DUSP13A: variants seen among roughly 807,000 people sequenced by gnomAD.
DUSP13A encodes dual specificity phosphatase 13A, also known as dual specificity protein phosphatase 13A.
chr10:75,107,078 A>G, the DUSP13A span, among the ~76,000 whole-genome samples: 1 of 152,148 alleles, frequency 6.6e-6, no homozygotes, highest in African/African-American at 2.4e-5. Context: ...GCTCATGCCT[A>G]TAATCCCAGC....
chr10:75,106,111 T>TA, the DUSP13A span, among the ~76,000 whole-genome samples: 5 of 150,614 alleles, frequency 3.3e-5, no homozygotes, highest in Non-Finnish European at 7.4e-5. Context: ...CTTTTTTTTT[T>TA]TTTTTTTTTT....
the DUSP13A span, chr10:75,108,414 G>T: frequency 3.3e-6 from 3 of 914,638 alleles, no homozygotes; most frequent in Non-Finnish European, 4.7e-6. Flanking sequence ...TGTGTGTGTC[G>T]GGGGATCTTT....
the DUSP13A span, chr10:75,109,002 C>T: frequency 6.3e-7 from 1 of 1,595,110 alleles, no homozygotes; most frequent in East Asian, 2.3e-5. Context: ...GGCCAGCTAC[C>T]ACTCACGCAT....
At chr10:75,108,602 G>A in the DUSP13A span, among the ~76,000 whole-genome samples, 5 of 152,104 alleles carry the variant, frequency 3.3e-5, no homozygotes, top group Admixed American at 1.3e-4. Flanking sequence ...ATGTTTAGAG[G>A]CAACACCTTC....
chr10:75,107,408 T>A, the DUSP13A span, among the ~76,000 whole-genome samples: 1 of 152,058 alleles, frequency 6.6e-6, no homozygotes, highest in Non-Finnish European at 1.5e-5. Context: ...CAAATGGTGC[T>A]TTCCCAAAGT....
chr10:75,106,848 T>C, the DUSP13A span, among the ~76,000 whole-genome samples: 11 of 152,324 alleles, frequency 7.2e-5, no homozygotes, highest in African/African-American at 2.6e-4. Flanking sequence ...TAAAAAGTCA[T>C]GTGAGCTGTA....
the DUSP13A span, chr10:75,108,207 G>T: frequency 5.6e-6 from 9 of 1,597,584 alleles, no homozygotes; most frequent in Non-Finnish European, 7.7e-6. Context: ...GTTTGCCGTG[G>T]CCCTGGGGAG....
the DUSP13A span, among the ~76,000 whole-genome samples, chr10:75,106,169 T>C: frequency 6.7e-6 from 1 of 150,170 alleles, no homozygotes; most frequent in South Asian, 2.1e-4. Flanking sequence ...CTTGAACTCC[T>C]GAACTTAAGT....
At chr10:75,108,806 C>A in the DUSP13A span, among the ~76,000 whole-genome samples, 1 of 152,158 alleles carries the variant, frequency 6.6e-6, no homozygotes, top group Non-Finnish European at 1.5e-5. Flanking sequence ...TTCAGGCAGG[C>A]GAAGTCCCTG....
the DUSP13A span, among the ~76,000 whole-genome samples, chr10:75,107,145 C>T: frequency 6.6e-6 from 1 of 152,116 alleles, no homozygotes; most frequent in Non-Finnish European, 1.5e-5. Flanking sequence ...AGACCAGCCT[C>T]GCCAACATGG....
At chr10:75,106,105 T>C in the DUSP13A span, among the ~76,000 whole-genome samples, 30 of 142,586 alleles carry the variant, frequency 2.1e-4, no homozygotes, top group South Asian at 6.6e-4. Flanking sequence ...TCTTTTCTTT[T>C]TTTTTTTTTT....
chr10:75,108,042 TAGGC>T, the DUSP13A span: 1 of 1,613,676 alleles, frequency 6.2e-7, no homozygotes. Flanking sequence ...AGAGGAGAAG[TAGGC>T]ACTGATGTCA....
the DUSP13A span, among the ~76,000 whole-genome samples, chr10:75,108,797 T>C: frequency 6.6e-6 from 1 of 152,160 alleles, no homozygotes; most frequent in Non-Finnish European, 1.5e-5. Context: ...CTCCCTGCTT[T>C]CAGGCAGGCG....
chr10:75,108,377 C>T, the DUSP13A span: 6 of 1,302,034 alleles, frequency 4.6e-6, no homozygotes, highest in African/African-American at 3.0e-5. Context: ...CCCAGAGCCC[C>T]GCACTTTCTG....
chr10:75,108,149 G>A, the DUSP13A span: 104 of 1,613,060 alleles, frequency 6.4e-5, no homozygotes, highest in African/African-American at 3.1e-4. Context: ...CCTTGTGGGC[G>A]GCGTTCAGCA....
the DUSP13A span, chr10:75,105,997 C>T: frequency 2.5e-6 from 2 of 786,264 alleles, no homozygotes; most frequent in Non-Finnish European, 4.2e-6. Context: ...AGTCACTCAG[C>T]CTTTATGGAC....
At chr10:75,109,041 G>A in the DUSP13A span, 29 of 1,611,048 alleles carry the variant, frequency 1.8e-5, no homozygotes, top group Admixed American at 1.8e-4. Flanking sequence ...GCCAAACTTC[G>A]TCCACACGGC....
At chr10:75,107,765 C>T in the DUSP13A span, among the ~76,000 whole-genome samples, 2 of 152,116 alleles carry the variant, frequency 1.3e-5, no homozygotes, top group South Asian at 2.1e-4. Context: ...TTAGTAGAGA[C>T]GAGGTTTCAC....
chr10:75,108,193 G>A, the DUSP13A span: 28 of 1,605,906 alleles, frequency 1.7e-5, no homozygotes, highest in East Asian at 2.2e-5. Context: ...AGCTCAAAGC[G>A]GTTGTTTGCC....
Sources: allele counts gnomAD v4.1 joint callset (sites outside exome capture counted in the v4.1 genomes callset), GRCh38; gene constraint gnomAD v4.1.1; transcripts MANE v1.5; gene names NCBI Gene and HGNC (gene_info 2026-07-23, HGNC 2026-07-21).